CDH4: variants seen among roughly 807,000 people sequenced by gnomAD.
The protein encoded by CDH4 is cadherin-4.
In CDH4, 33 loss-of-function variants were observed where a neutral mutation model predicts 86.0. The observed-to-expected ratio is 0.38, with a 90% CI of 0.29 to 0.51. CDH4 has a LOEUF of 0.51. Among genes scored for constraint, CDH4 ranks in the 20% least tolerant of loss-of-function variants. CDH4 has a pLI of 0.86. For synonymous variants in CDH4, 555 were observed against 549.4 expected (o/e 1.01, Z -0.14); for missense variants, 1,114 against 1,307.4 (o/e 0.85, Z 2.28).
chr20:61,697,680 C>T (rs975536732), intron 2 of CDH4, among the ~76,000 whole-genome samples: 3 of 152,152 alleles, frequency 2.0e-5, no homozygotes, highest in African/African-American at 4.8e-5. Flanking sequence ...GCAGGGTTCC[C>T]GACTGCAAAC....
chr20:61,706,314 C>CG (rs1333025001), intron 2 of CDH4, among the ~76,000 whole-genome samples: 15 of 151,932 alleles, frequency 9.9e-5, no homozygotes, highest in Middle Eastern at 6.8e-3. Context: ...TTCAGAGGGC[C>CG]GGGGGGGATG....
chr20:61,678,102 T>A (rs149002321), intron 2 of CDH4, among the ~76,000 whole-genome samples: 2 of 151,950 alleles, frequency 1.3e-5, no homozygotes, highest in Admixed American at 1.3e-4. Context: ...TTTGGATGGA[T>A]GATAGATGAT....
intron 2 of CDH4, among the ~76,000 whole-genome samples, chr20:61,600,246 G>A (rs1238774767): frequency 6.6e-6 from 1 of 152,230 alleles, no homozygotes; most frequent in South Asian, 2.1e-4. Flanking sequence ...GACAGAGGGT[G>A]TCGGGGTCAA....
chr20:61,549,238 G>A (rs748866382), intron 2 of CDH4, among the ~76,000 whole-genome samples: 14 of 152,136 alleles, frequency 9.2e-5, no homozygotes, highest in African/African-American at 1.4e-4. Context: ...CGTGAAATAC[G>A]CAGTGACAGT....
intron 4 of CDH4, among the ~76,000 whole-genome samples, chr20:61,831,192 G>A (rs1489491171): frequency 1.3e-5 from 2 of 152,194 alleles, no homozygotes; most frequent in Non-Finnish European, 2.9e-5. Context: ...TCCTGTGGCT[G>A]CCCTGACCAC....
intron 2 of CDH4, among the ~76,000 whole-genome samples, chr20:61,427,677 T>C (rs956656635): frequency 2.6e-5 from 4 of 152,038 alleles, no homozygotes; most frequent in Non-Finnish European, 5.9e-5. Flanking sequence ...CTCTGTCTTC[T>C]GCCTGGAATG....
At chr20:61,570,379 G>T (rs2086332568) in intron 2 of CDH4, 1 of 370,512 alleles carries the variant, frequency 2.7e-6, no homozygotes, top group Non-Finnish European at 4.9e-6. Context: ...AGAGTGCCCT[G>T]GTTGGGACCA....
intron 2 of CDH4, among the ~76,000 whole-genome samples, chr20:61,606,972 T>C (rs1039368007): frequency 5.9e-5 from 9 of 152,192 alleles, no homozygotes; most frequent in African/African-American, 1.9e-4. Context: ...AAAGGTCTGC[T>C]GAGTAGCTTG....
chr20:61,875,252 A>G (rs1983968199), intron 7 of CDH4, among the ~76,000 whole-genome samples: 1 of 152,194 alleles, frequency 6.6e-6, no homozygotes, highest in African/African-American at 2.4e-5. Flanking sequence ...GTCCCTGGGA[A>G]GAGCACAAAG....
intron 8 of CDH4, among the ~76,000 whole-genome samples, chr20:61,897,722 C>T (rs1985197721): frequency 6.6e-6 from 1 of 152,232 alleles, no homozygotes. Context: ...AATGGCTAAG[C>T]ACAGGCTACT....
intron 2 of CDH4, among the ~76,000 whole-genome samples, chr20:61,587,904 C>T (rs1023133587): frequency 2.0e-5 from 3 of 152,174 alleles, no homozygotes; most frequent in Non-Finnish European, 4.4e-5. Context: ...CCAGGCCCCA[C>T]GTTAAATTGA....
chr20:61,436,094 G>A (rs1600681458), intron 2 of CDH4, among the ~76,000 whole-genome samples: 2 of 152,128 alleles, frequency 1.3e-5, no homozygotes, highest in East Asian at 3.9e-4. Flanking sequence ...CAGATCCCAG[G>A]TCAGCTGTCA....
chr20:61,336,222 T>C (rs956442274), intron 2 of CDH4, among the ~76,000 whole-genome samples: 2 of 152,180 alleles, frequency 1.3e-5, no homozygotes, highest in Non-Finnish European at 2.9e-5. Flanking sequence ...CATGGGTGAA[T>C]CACAGTTCAC....
chr20:61,319,966 A>AG (rs1178842373), intron 2 of CDH4, among the ~76,000 whole-genome samples: 1 of 151,922 alleles, frequency 6.6e-6, no homozygotes, highest in South Asian at 2.1e-4. Context: ...AAAAAAAAAA[A>AG]AATGGTGAAT....
intron 2 of CDH4, among the ~76,000 whole-genome samples, chr20:61,555,739 T>A (rs192654424): frequency 6.6e-6 from 1 of 152,326 alleles, no homozygotes; most frequent in African/African-American, 2.4e-5. Context: ...CAGAGCACAT[T>A]CCTTTATCAT....
At chr20:61,398,893 G>A (rs1476618494) in intron 2 of CDH4, among the ~76,000 whole-genome samples, 15 of 152,302 alleles carry the variant, frequency 9.8e-5, no homozygotes, top group Middle Eastern at 3.4e-3. Context: ...GTCAGACCCC[G>A]GCCACAGCCC....
intron 11 of CDH4, among the ~76,000 whole-genome samples, 186 bp downstream of exon 11, chr20:61,924,662 C>A (rs1782655899): frequency 6.6e-6 from 1 of 152,082 alleles, no homozygotes; most frequent in Admixed American, 6.5e-5. Flanking sequence ...TCAGGGCCCC[C>A]AGGCCATGCT....
chr20:61,331,653 A>AGACTCACCTCCTGCCCCG (rs2084578469), intron 2 of CDH4, among the ~76,000 whole-genome samples: 1 of 22,718 alleles, frequency 4.4e-5, no homozygotes, highest in Non-Finnish European at 8.8e-5. Context: ...CTCCCGCCCC[A>AGACTCACCTCCTGCCCCG]GCCACCTGCC....
At chr20:61,307,769 C>A (rs149499200) in intron 2 of CDH4, among the ~76,000 whole-genome samples, 2 of 152,294 alleles carry the variant, frequency 1.3e-5, no homozygotes, top group Non-Finnish European at 2.9e-5. Context: ...TCCTGCAGGG[C>A]TGGACTGCTT....
Sources: allele counts gnomAD v4.1 joint callset (sites outside exome capture counted in the v4.1 genomes callset), GRCh38; gene constraint gnomAD v4.1.1; transcripts MANE v1.5; gene names NCBI Gene and HGNC (gene_info 2026-07-23, HGNC 2026-07-21).